The following GET1 variants were observed in gnomAD, a reference collection of about 807,000 sequenced individuals.
GET1 encodes the protein congenital heart disease 5 protein.
Under a neutral mutation model 22.6 loss-of-function variants are expected in GET1, and 20 were observed. The ratio of observed to expected loss-of-function variants is 0.89; its 90% CI spans 0.62 to 1.29. The LOEUF (loss-of-function observed/expected upper bound fraction) is 1.29, where lower values mean the gene tolerates loss of function less well. GET1 is among the 50% of genes most tolerant of loss of function. GET1 has a pLI of 0.00. For missense variants in GET1, 209 were observed against 219.9 expected (o/e 0.95, Z 0.31); for synonymous variants, 92 against 83.8 (o/e 1.10, Z -0.53).
At chr21:39,407,018 A>G (rs1025997691), downstream of GET1, among the ~76,000 whole-genome samples, 12 of 152,200 alleles carry the variant, frequency 7.9e-5, no homozygotes, top group Admixed American at 2.6e-4. Flanking sequence ...TTTGAGCCCA[A>G]GAGTCTGAGA....
At chr21:39,380,636 G>T in intron 1 of GET1, 150 bp downstream of exon 1, 1 of 1,444,644 alleles carries the variant, frequency 6.9e-7, no homozygotes, top group Non-Finnish European at 9.1e-7. Context: ...ATAGTTGTTA[G>T]CGTCTAAAAG....
At chr21:39,392,677 C>T (rs1416053901) in intron 3 of GET1, among the ~76,000 whole-genome samples, 3 of 152,168 alleles carry the variant, frequency 2.0e-5, no homozygotes, top group Non-Finnish European at 4.4e-5. Context: ...CAGGGCTCAC[C>T]TCTGCGTCCC....
chr21:39,419,736 T>TA (rs1440193370), intron 1 of GET1, among the ~76,000 whole-genome samples: 1 of 151,912 alleles, frequency 6.6e-6, no homozygotes, highest in Non-Finnish European at 1.5e-5. Context: ...TCCTTAAAAA[T>TA]AAAAAAGTTA....
intron 1 of GET1, chr21:39,380,837 G>A: frequency 2.0e-6 from 2 of 991,258 alleles, no homozygotes; most frequent in Non-Finnish European, 2.4e-6. Context: ...CTCGGCCAGG[G>A]TTTCCCAGAG....
chr21:39,392,571 C>T (rs983509138), intron 3 of GET1, among the ~76,000 whole-genome samples: 10 of 152,110 alleles, frequency 6.6e-5, no homozygotes, highest in African/African-American at 1.2e-4. Flanking sequence ...CTCTTCTGAG[C>T]GGCCTGTTCA....
At chr21:39,402,652 G>A (rs1477939338), downstream of GET1, among the ~76,000 whole-genome samples, 2 of 152,202 alleles carry the variant, frequency 1.3e-5, no homozygotes, top group Non-Finnish European at 2.9e-5. Context: ...ATTTAGAAAC[G>A]TTTTCTATAG....
At chr21:39,409,441 C>T (rs59054920), downstream of GET1, among the ~76,000 whole-genome samples, 3,974 of 152,120 alleles carry the variant, frequency 0.026, 126 homozygotes, top group African/African-American at 0.077. This position sits in a 1 kb window ranked among gnomAD's most constrained non-coding sequence, Gnocchi z 4.2. Context: ...GGCCTAAAAC[C>T]CAAGACGGTG....
At chr21:39,401,903 A>G (rs1186037873), downstream of GET1, among the ~76,000 whole-genome samples, 1 of 152,092 alleles carries the variant, frequency 6.6e-6, no homozygotes, top group Non-Finnish European at 1.5e-5. Flanking sequence ...TTTAATGTAT[A>G]AATGTGTGTG....
At chr21:39,427,186 G>T (rs1295342301) in intron 1 of GET1, among the ~76,000 whole-genome samples, 1 of 152,200 alleles carries the variant, frequency 6.6e-6, no homozygotes, top group African/African-American at 2.4e-5. Context: ...GAAGTGCTCT[G>T]ATGGTCAACA....
chr21:39,388,923 G>A (rs1434181736), intron 1 of GET1, among the ~76,000 whole-genome samples: 1 of 152,188 alleles, frequency 6.6e-6, no homozygotes, highest in African/African-American at 2.4e-5. Flanking sequence ...TGCTCACAGG[G>A]ACCAGCCAGG....
intron 2 of GET1, 92 bp from the exon 3 acceptor site, chr21:39,391,677 G>A (rs1445066341): frequency 2.5e-6 from 3 of 1,207,060 alleles, no homozygotes; most frequent in East Asian, 4.9e-5. Flanking sequence ...ATCAGAAAGT[G>A]TATTATAAGG....
chr21:39,390,549 G>A (rs112737182), intron 1 of GET1, 149 bp from the exon 2 acceptor site: 5 of 1,008,544 alleles, frequency 5.0e-6, no homozygotes, highest in African/African-American at 4.9e-5. Context: ...GAACGTTCAC[G>A]GCCGCAGTTT....
chr21:39,387,713 A>G, intron 1 of GET1: 2 of 860,226 alleles, frequency 2.3e-6, no homozygotes, highest in Non-Finnish European at 2.7e-6. Flanking sequence ...CTTTTGCCTC[A>G]TCACGCAGGC....
downstream of GET1, among the ~76,000 whole-genome samples, chr21:39,407,306 T>C (rs2837009): frequency 0.23 from 34,961 of 152,064 alleles, 4,360 homozygotes; most frequent in African/African-American, 0.33. Flanking sequence ...ATCCATCCAA[T>C]TGGCAAATAA....
chr21:39,390,961 G>C (rs2038260443), intron 2 of GET1, 98 bp downstream of exon 2: 1 of 1,369,136 alleles, frequency 7.3e-7, no homozygotes. Context: ...CTTCTTGGAT[G>C]TTCTGAATAT....
At chr21:39,414,738 CTCTCTGTG>C (rs1301272188) in intron 1 of GET1, among the ~76,000 whole-genome samples, 128 of 107,376 alleles carry the variant, frequency 1.2e-3, no homozygotes, top group Middle Eastern at 5.3e-3. Context: ...CTCTCTCTCT[CTCTCTGTG>C]TGTGTGTGTG....
intron 1 of GET1, among the ~76,000 whole-genome samples, chr21:39,420,175 T>C (rs1442126968): frequency 6.6e-6 from 1 of 152,148 alleles, no homozygotes; most frequent in Non-Finnish European, 1.5e-5. Context: ...TTGCAGATCC[T>C]TTGTCTGTTC....
At chr21:39,410,196 A>C, downstream of GET1, 1 of 1,248,386 alleles carries the variant, frequency 8.0e-7, no homozygotes, top group Non-Finnish European at 1.2e-6. Flanking sequence ...ACATAGAACA[A>C]GTGACTGTAG....
At chr21:39,404,049 G>A (rs1322200987) in intron 4 of GET1, among the ~76,000 whole-genome samples, 1 of 152,148 alleles carries the variant, frequency 6.6e-6, no homozygotes, top group Non-Finnish European at 1.5e-5. Flanking sequence ...CAGCCTTCCG[G>A]GTAGCTGCCA....
Sources: gnomAD v4.1 joint callset for allele counts (sites outside exome capture counted in the v4.1 genomes callset) on GRCh38, gnomAD v4.1.1 for gene constraint, Gnocchi (gnomAD v3.1) non-coding constraint, MANE v1.5 for transcripts, NCBI Gene and HGNC (gene_info 2026-07-23, HGNC 2026-07-21) for gene names.